Variants in LDAH observed in about 807,000 individuals in gnomAD.
The protein encoded by LDAH is lipid droplet associated hydrolase, also known as lipid droplet-associated hydrolase.
A neutral mutation model predicts 29.6 loss-of-function variants in LDAH; 26 were observed. The ratio of observed to expected loss-of-function variants is 0.88; its 90% CI spans 0.64 to 1.22. The LOEUF is 1.22. Ranked by LOEUF, LDAH falls within the 50% of genes most tolerant of loss-of-function variation. The pLI is 0.00. For synonymous variants in LDAH, 117 were observed against 133.0 expected (o/e 0.88, Z 0.83); for missense variants, 344 against 387.3 (o/e 0.89, Z 0.94).
At chr2:20,713,755 C>T (rs998769783) in intron 5 of LDAH, among the ~76,000 whole-genome samples, 9 of 152,264 alleles carry the variant, frequency 5.9e-5, no homozygotes, top group Non-Finnish European at 1.0e-4. Context: ...ATGAAACAGA[C>T]TTTAAACCAA....
At chr2:20,734,739 T>A (rs1666660254) in intron 5 of LDAH, among the ~76,000 whole-genome samples, 1 of 152,214 alleles carries the variant, frequency 6.6e-6, no homozygotes, top group South Asian at 2.1e-4. Context: ...CTGTTCTTTC[T>A]TTTTGACATT....
intron 1 of LDAH, among the ~76,000 whole-genome samples, chr2:20,811,716 C>A (rs1030195215): frequency 3.9e-5 from 6 of 151,970 alleles, no homozygotes; most frequent in African/African-American, 1.4e-4. Context: ...GATCTCCTGA[C>A]CTCGTGATCC....
chr2:20,685,372 G>A lies in LDAH; in HGVS notation c.*1531C>T, dbSNP rs1662483779. On this transcript the variant is annotated 3_prime_UTR_variant, in exon 7 of 7. Coordinates refer to ENST00000237822, the MANE Select transcript of LDAH (RefSeq NM_021925.4). ...AACATCCGATTTCTAGGCCTCTCAT[G>A]CAGATGCCAATAAAGGATCTGTGTA... The A allele has an allele frequency of 1.3e-6, 1 of 757,162 alleles. No individual in the cohort carries two copies. Among genetic ancestry groups the A allele is most frequent in the Non-Finnish European group, 2.0e-6 (1 of 498,996 alleles). The allele number at this position is 757,162 out of a possible 1,614,324, so 46.9% of individuals were successfully genotyped here.
chr2:20,708,535 G>A (rs775269610), intron 5 of LDAH, among the ~76,000 whole-genome samples: 100 of 152,094 alleles, frequency 6.6e-4, no homozygotes, highest in Non-Finnish European at 3.7e-4. Flanking sequence ...CAAATGAGGA[G>A]AAAAACTGAT....
chr2:20,770,066 C>G (rs1669302934), intron 4 of LDAH, among the ~76,000 whole-genome samples: 1 of 152,146 alleles, frequency 6.6e-6, no homozygotes, highest in East Asian at 1.9e-4. Flanking sequence ...TCTAGCATAA[C>G]ACTATCAAAA....
chr2:20,816,596 C>A (rs540780091), intron 1 of LDAH, among the ~76,000 whole-genome samples: 1 of 151,878 alleles, frequency 6.6e-6, no homozygotes, highest in African/African-American at 2.4e-5. Context: ...TAACATGAAG[C>A]CAAAACCAAC....
At chr2:20,691,718 T>C (rs925292430) in intron 6 of LDAH, among the ~76,000 whole-genome samples, 24 of 152,252 alleles carry the variant, frequency 1.6e-4, no homozygotes, top group Middle Eastern at 3.2e-3. Flanking sequence ...ATTATTGAGA[T>C]AGAAATTTTT....
At chr2:20,716,004 A>G (rs1208307807) in intron 5 of LDAH, among the ~76,000 whole-genome samples, 2 of 152,170 alleles carry the variant, frequency 1.3e-5, no homozygotes, top group Non-Finnish European at 2.9e-5. Context: ...CATCAGAGAA[A>G]TGCAAATCAA....
intron 1 of LDAH, among the ~76,000 whole-genome samples, chr2:20,817,273 T>C (rs1297571489): frequency 1.3e-5 from 2 of 152,036 alleles, no homozygotes; most frequent in Non-Finnish European, 2.9e-5. Flanking sequence ...AAAAGGTCAC[T>C]ATAACCAGCA....
intron 3 of LDAH, among the ~76,000 whole-genome samples, chr2:20,779,546 C>T (rs76040183): frequency 1.3e-5 from 2 of 151,574 alleles, no homozygotes; most frequent in East Asian, 3.9e-4. Context: ...GTTCACCATG[C>T]TATACATATA....
intron 3 of LDAH, chr2:20,788,785 G>T: frequency 4.2e-6 from 1 of 235,912 alleles, no homozygotes; most frequent in Non-Finnish European, 8.3e-6. Flanking sequence ...TACACCTTTT[G>T]AAAGTGTCCT....
intron 5 of LDAH, among the ~76,000 whole-genome samples, chr2:20,702,265 G>GA (rs548012815): frequency 6.6e-6 from 1 of 152,150 alleles, no homozygotes; most frequent in South Asian, 2.1e-4. Context: ...GTACTGGTAA[G>GA]AAAATTTTCA....
chr2:20,763,597 A>C (rs1374191411), intron 4 of LDAH, among the ~76,000 whole-genome samples: 1 of 152,226 alleles, frequency 6.6e-6, no homozygotes, highest in Non-Finnish European at 1.5e-5. Context: ...GGCCAAGAAG[A>C]GGTAGTGATA....
intron 4 of LDAH, among the ~76,000 whole-genome samples, chr2:20,757,248 T>C (rs1239463608): frequency 6.6e-6 from 1 of 152,128 alleles, no homozygotes; most frequent in Non-Finnish European, 1.5e-5. Flanking sequence ...CTGAAAAATC[T>C]TGTGAGCTTG....
At chr2:20,714,216 G>C (rs1197020818) in intron 5 of LDAH, among the ~76,000 whole-genome samples, 1 of 152,170 alleles carries the variant, frequency 6.6e-6, no homozygotes, top group Non-Finnish European at 1.5e-5. Context: ...TAGAACTCAG[G>C]ATTAAGAAAC....
intron 6 of LDAH, among the ~76,000 whole-genome samples, chr2:20,700,462 T>C (rs1663846389): frequency 6.6e-6 from 1 of 152,192 alleles, no homozygotes; most frequent in Non-Finnish European, 1.5e-5. Flanking sequence ...GAATTAAGAA[T>C]TAACAATGTA....
chr2:20,799,703 A>G (rs1273044673), intron 2 of LDAH, among the ~76,000 whole-genome samples: 1 of 152,142 alleles, frequency 6.6e-6, no homozygotes, highest in African/African-American at 2.4e-5. Flanking sequence ...AGCCTTTAGT[A>G]TCTATCATTA....
At chr2:20,808,520 CG>C (rs1672242109) in intron 1 of LDAH, among the ~76,000 whole-genome samples, 1 of 151,908 alleles carries the variant, frequency 6.6e-6, no homozygotes. Context: ...AAAAATTAGC[CG>C]GGCGTGGTGG....
intron 5 of LDAH, among the ~76,000 whole-genome samples, chr2:20,732,057 G>C (rs925554156): frequency 1.3e-5 from 2 of 152,044 alleles, no homozygotes; most frequent in Admixed American, 6.5e-5. Context: ...AGAGTGCTGA[G>C]AGCAGACATC....
Sources: allele counts gnomAD v4.1 joint callset (sites outside exome capture counted in the v4.1 genomes callset), GRCh38; gene constraint gnomAD v4.1.1; transcripts MANE v1.5; gene names NCBI Gene and HGNC (gene_info 2026-07-23, HGNC 2026-07-21).